BORA: variants seen among roughly 807,000 people sequenced by gnomAD.
BORA encodes the protein BORA aurora kinase A activator, also known as protein aurora borealis.
Under a neutral mutation model 55.8 loss-of-function variants are expected in BORA, and 26 were observed. That is an observed-to-expected ratio of 0.47 (90% CI 0.34 to 0.65). BORA has a LOEUF of 0.65. Among genes scored for constraint, BORA ranks in the 30% least tolerant of loss-of-function variants. BORA has a pLI of 0.01. For missense variants in BORA, 568 were observed against 671.5 expected, an observed-to-expected ratio of 0.85 and a Z score of 1.70; for synonymous variants, 201 against 216.9, an observed-to-expected ratio of 0.93 and a Z score of 0.64.
At chr13:72,730,159 A>G (rs910061102) in intron 2 of BORA, among the ~76,000 whole-genome samples, 29 of 152,064 alleles carry the variant, frequency 1.9e-4, no homozygotes, top group African/African-American at 6.5e-4. Flanking sequence ...GGATCTTTCA[A>G]CCTACCAAGT....
chr13:72,746,222 G>C, intron 9 of BORA, 146 bp downstream of exon 9: 1 of 895,278 alleles, frequency 1.1e-6, no homozygotes, highest in Non-Finnish European at 1.7e-6. Flanking sequence ...TTAAATAAAA[G>C]AACAGTTTAC....
rs1238518960 is a variant in BORA at position 72,738,027 on chromosome 13, A to G, written c.372A>G (p.Gln124=). The G allele has an allele frequency of 1.2e-5, 19 of 1,595,452 alleles. No individual in the cohort carries two copies. The highest frequency in any genetic ancestry group is 1.7e-4 in the Middle Eastern group (1 of 5,998). Residue 124 remains glutamine, a synonymous_variant, in exon 5 of 12, where the codon CAA becomes CAG. Coordinates refer to ENST00000390667, the MANE Select transcript of BORA (RefSeq NM_024808.5). ...ATCATGAAGGGAAACAGCTTTCACA[A>G]TGTCATTCCAGTAAATGTGAGTGTA... ...WTDHEGKQLS[Q]CHSSKCTNIN...
At chr13:72,740,587 G>A (rs2033015249) in intron 5 of BORA, among the ~76,000 whole-genome samples, 1 of 152,058 alleles carries the variant, frequency 6.6e-6, no homozygotes, top group Admixed American at 6.6e-5. Flanking sequence ...TGCTACTTTA[G>A]GGCCAAGGTT....
At chr13:72,751,391 T>C (rs922402817) in intron 10 of BORA, among the ~76,000 whole-genome samples, 8 of 152,284 alleles carry the variant, frequency 5.3e-5, no homozygotes, top group Middle Eastern at 6.8e-3. Flanking sequence ...AAATGTGGTA[T>C]ATATACACAA....
chr13:72,745,741 T>C (rs762752788), intron 8 of BORA, among the ~76,000 whole-genome samples: 2 of 152,216 alleles, frequency 1.3e-5, no homozygotes, highest in Non-Finnish European at 1.5e-5. Context: ...AATGTGTTTA[T>C]ATTTTGACTA....
At chr13:72,731,908 A>G (rs1482689958) in intron 3 of BORA, among the ~76,000 whole-genome samples, 5 of 152,148 alleles carry the variant, frequency 3.3e-5, no homozygotes, top group Non-Finnish European at 5.9e-5. Context: ...TCTGAATTAC[A>G]TTTTCTAGAA....
rs1423796254 is a variant in BORA at position 72,755,190 on chromosome 13, A to G, written c.1654A>G (p.Ser552Gly). Residue 552 changes from serine (S) to glycine (G), a missense_variant, in exon 12 of 12, where the codon AGC becomes GGC. Coordinates refer to ENST00000390667, the MANE Select transcript of BORA (RefSeq NM_024808.5). ...TTQRCWMKTASPFQCSSP is the reference protein window; with the variant it reads ...TTQRCWMKTAGPFQCSSP ...ACAGAGGTGTTGGATGAAAACAGCA[A>G]GCCCTTTTCAATGCAGCAGTCCATA... is the stretch of plus-strand genomic sequence containing the variant. The G allele has an allele frequency of 2.4e-5, 38 of 1,613,672 alleles. No homozygotes were observed. The highest frequency in any genetic ancestry group is 3.0e-5 in the Non-Finnish European group (35 of 1,179,842).
intron 3 of BORA, among the ~76,000 whole-genome samples, chr13:72,734,019 C>T (rs1023627684): frequency 3.3e-5 from 5 of 151,908 alleles, no homozygotes; most frequent in African/African-American, 1.2e-4. Flanking sequence ...AGCATGTGGA[C>T]ATATAGAGGG....
chr13:72,752,668 T>C (rs1281884877), intron 10 of BORA: 1 of 152,220 alleles, frequency 6.6e-6, no homozygotes, highest in Non-Finnish European at 1.5e-5. Context: ...TCCCCAAAAA[T>C]GTTACACATC....
chr13:72,742,690 A>C (rs892754298), intron 5 of BORA, among the ~76,000 whole-genome samples: 1 of 151,996 alleles, frequency 6.6e-6, no homozygotes, highest in Non-Finnish European at 1.5e-5. Flanking sequence ...CGTTAATCAC[A>C]ACAGCCAAGA....
intron 4 of BORA, among the ~76,000 whole-genome samples, chr13:72,736,789 C>T (rs1017820662): frequency 1.3e-5 from 2 of 152,010 alleles, no homozygotes; most frequent in Admixed American, 1.3e-4. Flanking sequence ...TACAGTGTGA[C>T]ACTGCTTGAT....
At chr13:72,746,186 C>T in intron 9 of BORA, 110 bp downstream of exon 9, 1 of 1,049,412 alleles carries the variant, frequency 9.5e-7, no homozygotes. Flanking sequence ...GATCACTAAC[C>T]TTCTAACATT....
intron 11 of BORA, chr13:72,754,257 T>G (rs2033373870): frequency 6.3e-6 from 1 of 158,094 alleles, no homozygotes; most frequent in Non-Finnish European, 1.4e-5. Flanking sequence ...CGCAAAGTGC[T>G]GCGCGATTAC....
rs932396141 is a variant in BORA at position 72,746,451 on chromosome 13, C to T, written c.872-50C>T. 3 of 1,542,446 alleles carry T rather than the reference C, an allele frequency of 1.9e-6. No individual in the cohort carries two copies. In the African/African-American group the frequency reaches 4.1e-5, roughly 21 times the overall value. On this transcript the variant is annotated intron_variant, in intron 9 of 11. Coordinates refer to ENST00000390667, the MANE Select transcript of BORA (RefSeq NM_024808.5). ...TGATTACCATTTAGTAGTGACTTTT[C>T]CATTTTCATGTTTTTATGATGTGAT...
chr13:72,731,657 A>G (rs536026598), intron 3 of BORA, among the ~76,000 whole-genome samples: 53 of 131,986 alleles, frequency 4.0e-4, no homozygotes, highest in African/African-American at 1.2e-3. Flanking sequence ...CCTAGCACTC[A>G]GTTAAGAGAA....
At chr13:72,737,094 A>G (rs575816550) in intron 4 of BORA, among the ~76,000 whole-genome samples, 1 of 152,122 alleles carries the variant, frequency 6.6e-6, no homozygotes, top group South Asian at 2.1e-4. Context: ...ATGTTTGGTT[A>G]CTTGCAAAAC....
chr13:72,729,649 G>A (rs1243521698), intron 2 of BORA, among the ~76,000 whole-genome samples: 1 of 152,150 alleles, frequency 6.6e-6, no homozygotes. Flanking sequence ...GCAGCCATAG[G>A]CAATGTGTAA....
intron 8 of BORA, among the ~76,000 whole-genome samples, chr13:72,745,621 A>G (rs566422428): frequency 6.6e-6 from 1 of 152,346 alleles, no homozygotes; most frequent in South Asian, 2.1e-4. Flanking sequence ...TAGGTTATTT[A>G]CTAAAGTGTG....
intron 5 of BORA, among the ~76,000 whole-genome samples, chr13:72,741,462 C>A (rs2033032134): frequency 6.6e-6 from 1 of 151,940 alleles, no homozygotes; most frequent in South Asian, 2.1e-4. Flanking sequence ...AGTTGCTAAC[C>A]TTTTTTTTCC....
Sources: gnomAD v4.1 joint callset for allele counts (sites outside exome capture counted in the v4.1 genomes callset) on GRCh38, gnomAD v4.1.1 for gene constraint, MANE v1.5 for transcripts, NCBI Gene and HGNC (gene_info 2026-07-23, HGNC 2026-07-21) for gene names.